The following DNMT1 variants were observed in gnomAD, a reference collection of about 807,000 sequenced individuals.
DNMT1 encodes DNA methyltransferase 1.
Under a neutral mutation model 205.3 loss-of-function variants are expected in DNMT1, and 24 were observed. The observed-to-expected ratio is 0.12, with a 90% CI of 0.08 to 0.16. The LOEUF (loss-of-function observed/expected upper bound fraction) is 0.16, where lower values mean the gene tolerates loss of function less well. DNMT1 is among the 10% of genes least tolerant of loss of function. The pLI is 1.00. For missense variants in DNMT1, 1,293 were observed against 2,177.7 expected (o/e 0.59, Z 8.09); for synonymous variants, 817 against 839.8 (o/e 0.97, Z 0.47).
intron 1 of DNMT1, among the ~76,000 whole-genome samples, chr19:10,185,761 T>C (rs2039165892): frequency 6.7e-6 from 1 of 149,608 alleles, no homozygotes; most frequent in Non-Finnish European, 1.5e-5. Context: ...GCCTGGGAGG[T>C]TGAGGCTGCA....
At chr19:10,194,743 C>T (rs1599416616) in intron 1 of DNMT1, 77 bp downstream of exon 1, 3 of 1,500,314 alleles carry the variant, frequency 2.0e-6, no homozygotes, top group Non-Finnish European at 2.7e-6. Context: ...GGCCACCGGC[C>T]ACCCCGAGGG....
chr19:10,156,248 T>C lies in DNMT1; in HGVS notation c.1399+143A>G, dbSNP rs1221662244. 1.3e-5 allele frequency: 9 copies of C among 694,366 alleles called. No individual in the cohort carries two copies. The highest frequency in any genetic ancestry group is 2.3e-5 in the Non-Finnish European group (9 of 383,476). 43.0% of individuals were successfully genotyped at this position (694,366 alleles called of 1,614,324 possible). ...TTTTAATAGAGGCAGGCTCTTGCTA[T>C]GTTGTCCAGGCTCGTCTCAAACTCC... On this transcript the variant is annotated intron_variant, in intron 18 of 40. Coordinates refer to ENST00000359526, the MANE Select transcript of DNMT1 (RefSeq NM_001130823.3). The surrounding 1 kb of genome is among the most constrained non-coding windows in gnomAD (Gnocchi z 4.2).
intron 33 of DNMT1, 98 bp downstream of exon 33, chr19:10,139,948 G>A: frequency 1.9e-6 from 3 of 1,594,874 alleles, no homozygotes; most frequent in Admixed American, 3.4e-5. Flanking sequence ...TGAGCTTCCG[G>A]GGGGCAGAGG....
chr19:10,173,078 A>T lies in DNMT1; in HGVS notation c.768+12T>A, dbSNP rs189898346. The T allele has an allele frequency of 1.6e-3, 2,642 of 1,614,172 alleles. 7 individuals are homozygous for T. The highest frequency in any genetic ancestry group is 2.0e-3 in the Non-Finnish European group (2,402 of 1,180,024). On this transcript the variant is annotated intron_variant, in intron 9 of 40. Coordinates refer to ENST00000359526, the MANE Select transcript of DNMT1 (RefSeq NM_001130823.3). The stretch of plus-strand genomic sequence containing the variant: ...GGGAGAATTAACAAACTTAGAGGTG[A>T]TAGAGCTTTACTTTTTCATCTCTTT...
intron 1 of DNMT1, chr19:10,194,518 A>C (rs1168626626): frequency 3.5e-6 from 1 of 282,544 alleles, no homozygotes; most frequent in Non-Finnish European, 6.7e-6. Context: ...GAAGAAGGGG[A>C]CCCCGGAAAC....
chr19:10,141,604 A>C, intron 30 of DNMT1: 1 of 337,872 alleles, frequency 3.0e-6, no homozygotes, highest in Non-Finnish European at 5.6e-6. Flanking sequence ...CTCCATAACG[A>C]GGGCCACCCG....
chr19:10,183,914 T>C (rs1265888758), intron 1 of DNMT1, among the ~76,000 whole-genome samples: 2 of 151,806 alleles, frequency 1.3e-5, no homozygotes, highest in African/African-American at 4.8e-5. Context: ...AATAACTGGG[T>C]TTGGTGGCAT....
At chr19:10,160,497 TG>T (rs1229054576) in intron 13 of DNMT1, 79 bp from the exon 14 acceptor site, 1 of 1,492,670 alleles carries the variant, frequency 6.7e-7, no homozygotes, top group African/African-American at 1.4e-5. Flanking sequence ...TTAAGAACTT[TG>T]TATAAGTGAT....
Position 10,180,201 on chromosome 19 carries a change from A to T in DNMT1, c.479T>A (p.Val160Glu). Residue 160 changes from valine (V) to glutamate (E), a missense_variant, in exon 5 of 41, where the codon GTA (valine) becomes GAA (glutamate). Physicochemically the swap from Val to Glu is moderately radical, Grantham distance 121. This residue lies in a region of DNMT1 where 394 missense variants were observed against 451.6 expected (regional missense o/e 0.87). Transcript: ENST00000359526. ...SRDPPASASQ[V>E]TGIRAEPSPS... The stretch of plus-strand genomic sequence containing the variant: ...GTGGCACATACCTCTAATCCCAGTT[A>T]CTTGGGAGGCTGAGGCAGGAGGGTC... 1 of 912,892 alleles carries T rather than the reference A, an allele frequency of 1.1e-6. No homozygotes were observed. Among genetic ancestry groups the T allele is most frequent in the Non-Finnish European group, 1.7e-6 (1 of 583,160 alleles). The allele number at this position is 912,892 out of a possible 1,614,324, so 56.5% of individuals were successfully genotyped here.
chr19:10,152,242 G>A (rs1430305478), intron 22 of DNMT1, among the ~76,000 whole-genome samples: 2 of 130,606 alleles, frequency 1.5e-5, no homozygotes, highest in East Asian at 2.3e-4. Context: ...GACAAATGAT[G>A]CATTAAGACT....
intron 1 of DNMT1, among the ~76,000 whole-genome samples, chr19:10,185,150 G>A (rs957349829): frequency 5.9e-5 from 9 of 152,214 alleles, no homozygotes; most frequent in African/African-American, 9.6e-5. Flanking sequence ...GTAGGGCCGG[G>A]CACGGTGGCT....
At chr19:10,158,873 G>A (rs1054074065) in intron 17 of DNMT1, among the ~76,000 whole-genome samples, 5 of 152,030 alleles carry the variant, frequency 3.3e-5, no homozygotes, top group African/African-American at 1.2e-4. Context: ...CCATCCCCTC[G>A]GCCTCTTCTC....
intron 19 of DNMT1, 145 bp from the exon 20 acceptor site, chr19:10,155,201 C>T: frequency 2.6e-6 from 3 of 1,140,020 alleles, no homozygotes; most frequent in Non-Finnish European, 3.7e-6. Flanking sequence ...GGGCACAACA[C>T]ATCATAGCTG....
At position 10,180,284 on chromosome 19, in the gene DNMT1, AC is replaced by A. The variant is rs775131962; in HGVS notation, c.446-51del. ...CCGAGGTTACACCACTGTGCTCCAGACTGGGCAACACAGTGAGACTCCATCT... is the reference window on the plus strand; with the variant it reads ...CCGAGGTTACACCACTGTGCTCCAGATGGGCAACACAGTGAGACTCCATCT... On this transcript the variant is annotated intron_variant, in intron 4 of 40. Coordinates refer to ENST00000359526, the MANE Select transcript of DNMT1 (RefSeq NM_001130823.3). 3.0e-5 allele frequency: 48 copies of A among 1,582,318 alleles called. No individual in the cohort carries two copies. In the East Asian group the frequency reaches 3.1e-4, roughly 10 times the overall value.
chr19:10,160,329 AC>A (rs1186383168), intron 14 of DNMT1, 54 bp downstream of exon 14: 2 of 1,610,876 alleles, frequency 1.2e-6, no homozygotes, highest in African/African-American at 2.7e-5. Flanking sequence ...TTGTTCTAGA[AC>A]CATCATTTTA....
At chr19:10,177,133 C>T (rs569706191) in intron 6 of DNMT1, among the ~76,000 whole-genome samples, 159 bp downstream of exon 6, 3 of 152,140 alleles carry the variant, frequency 2.0e-5, no homozygotes, top group East Asian at 1.9e-4. Context: ...AAACAGGTAA[C>T]GTTTTCAGAA....
intron 19 of DNMT1, 34 bp downstream of exon 19, chr19:10,155,819 A>G (rs745965943): frequency 8.1e-6 from 13 of 1,600,916 alleles, no homozygotes; most frequent in African/African-American, 1.3e-5. Context: ...CCCCTTTCAG[A>G]CCCCGGCCAG....
rs2038447953 is a variant in DNMT1, at chr19:10,155,930, T to C, written c.1415A>G (p.Lys472Arg). The change falls in exon 19 of 41, where the codon AAA becomes AGA. Residue 472 changes from lysine (K) to arginine (R), a missense_variant. Around this residue, in one of 13 missense-constraint regions of DNMT1, gnomAD observed 120 missense variants for 315.9 expected, o/e 0.38. Transcript: ENST00000359526. ...DPSLEGGVNGKNLGPINEWWI... is the reference protein window; with the variant it reads ...DPSLEGGVNGRNLGPINEWWI... ...CCATTCATTTATGGGGCCAAGATTT[T>C]TGCCATTAACACCACCTAGAGCAGA... is the stretch of plus-strand genomic sequence containing the variant. 1.9e-6 allele frequency: 3 copies of C among 1,613,590 alleles called. No homozygotes were observed. The African/African-American group carries it at 4.0e-5, about 22-fold the overall frequency.
chr19:10,156,091 G>T lies in DNMT1; in HGVS notation c.1400-146C>A. ...AATGACTTGGCCTACAGCTGCTCCT[G>T]GCACAAAGTCTCACACCCTAACTTT... On this transcript the variant is annotated intron_variant, in intron 18 of 40. Coordinates refer to ENST00000359526, the MANE Select transcript of DNMT1 (RefSeq NM_001130823.3). The surrounding 1 kb of genome is among the most constrained non-coding windows in gnomAD (Gnocchi z 4.2). 1 of 797,930 alleles carries T rather than the reference G, an allele frequency of 1.3e-6. No homozygotes were observed. The highest frequency in any genetic ancestry group is 2.1e-6 in the Non-Finnish European group (1 of 482,588). 49.4% of individuals were successfully genotyped at this position (797,930 alleles called of 1,614,324 possible).
Sources: allele counts gnomAD v4.1 joint callset (sites outside exome capture counted in the v4.1 genomes callset), GRCh38; gene constraint gnomAD v4.1.1; regional missense constraint gnomAD v4.1.1; non-coding constraint Gnocchi (gnomAD v3.1); transcripts MANE v1.5; gene names NCBI Gene and HGNC (gene_info 2026-07-23, HGNC 2026-07-21).